Variants in MECOM observed in about 807,000 individuals in gnomAD.
MECOM encodes MDS1 and EVI1 complex locus, also known as histone-lysine N-methyltransferase MECOM.
Under a neutral mutation model 116.3 loss-of-function variants are expected in MECOM, and 13 were observed. That is an observed-to-expected ratio of 0.11 (90% CI 0.07 to 0.18). The LOEUF is 0.18. MECOM is among the 10% of genes least tolerant of loss of function. The pLI is 1.00. For synonymous variants in MECOM, 528 were observed against 535.2 expected (o/e 0.99, Z 0.19); for missense variants, 1,299 against 1,509.0 (o/e 0.86, Z 2.31).
At chr3:169,234,745 T>C (rs991113275) in intron 2 of MECOM, among the ~76,000 whole-genome samples, 1 of 152,324 alleles carries the variant, frequency 6.6e-6, no homozygotes, top group African/African-American at 2.4e-5. Flanking sequence ...GCTCACCATA[T>C]GTGTACATAC....
chr3:169,454,945 T>C (rs1256167170), intron 1 of MECOM, among the ~76,000 whole-genome samples: 1 of 152,194 alleles, frequency 6.6e-6, no homozygotes, highest in Non-Finnish European at 1.5e-5. Context: ...CCAATTTTTA[T>C]CTCACATCTA....
intron 1 of MECOM, among the ~76,000 whole-genome samples, chr3:169,506,602 T>C (rs1755251639): frequency 6.6e-6 from 1 of 152,202 alleles, no homozygotes; most frequent in African/African-American, 2.4e-5. Flanking sequence ...AAAGCCTTAA[T>C]GTTCTGCTTT....
chr3:169,338,904 A>G (rs1304448130), intron 2 of MECOM, among the ~76,000 whole-genome samples: 1 of 152,224 alleles, frequency 6.6e-6, no homozygotes, highest in South Asian at 2.1e-4. Flanking sequence ...GGCTTGGGGA[A>G]AAAAAGCTAT....
intron 12 of MECOM, among the ~76,000 whole-genome samples, chr3:169,097,955 T>C (rs1451169207): frequency 6.6e-6 from 1 of 151,688 alleles, no homozygotes; most frequent in African/African-American, 2.4e-5. Context: ...TAAAACCTAA[T>C]AGAACTTTCC....
At chr3:169,346,107 C>A (rs1193885547) in intron 2 of MECOM, among the ~76,000 whole-genome samples, 1 of 151,960 alleles carries the variant, frequency 6.6e-6, no homozygotes, top group African/African-American at 2.4e-5. Flanking sequence ...TTAAGCGAAG[C>A]AAGACTGCCA....
At chr3:169,406,940 T>C (rs1736808349) in intron 1 of MECOM, among the ~76,000 whole-genome samples, 1 of 151,764 alleles carries the variant, frequency 6.6e-6, no homozygotes, top group African/African-American at 2.4e-5. Context: ...CTCTCCCGGA[T>C]TCAAGAAATT....
At chr3:169,353,791 C>T (rs1263563520) in intron 2 of MECOM, among the ~76,000 whole-genome samples, 1 of 151,778 alleles carries the variant, frequency 6.6e-6, no homozygotes, top group Non-Finnish European at 1.5e-5. Flanking sequence ...TATAACAATA[C>T]AAACTGTAAA....
At chr3:169,198,078 A>C (rs1748663469) in intron 2 of MECOM, among the ~76,000 whole-genome samples, 2 of 152,046 alleles carry the variant, frequency 1.3e-5, no homozygotes, top group Admixed American at 1.3e-4. Flanking sequence ...ATTTGCCAAC[A>C]TTGGAGTTTT....
chr3:169,201,661 A>C (rs1749172500), intron 2 of MECOM, among the ~76,000 whole-genome samples: 1 of 152,122 alleles, frequency 6.6e-6, no homozygotes. Context: ...TATATAAATC[A>C]TGTTGGCTAT....
chr3:169,110,468 T>C (rs926509276), intron 9 of MECOM, among the ~76,000 whole-genome samples: 2 of 152,052 alleles, frequency 1.3e-5, no homozygotes, highest in African/African-American at 4.8e-5. Flanking sequence ...CTCACCTGTA[T>C]CCCAGCTTGT....
chr3:169,659,051 A>C lies in MECOM; in HGVS notation c.37+4285T>G, dbSNP rs1775888496. Among the ~76,000 whole-genome samples, 11 of 148,910 alleles carry C rather than the reference A, an allele frequency of 7.4e-5. No homozygotes were observed. The South Asian group carries it at 2.3e-3, about 32-fold the overall frequency. ...TAACATGCTTAAAGAGAAATTGCTT[A>C]CGACTCCTCACCTTCAACTCCAAAA... is the stretch of plus-strand genomic sequence containing the variant. On this transcript the variant is annotated intron_variant, in intron 1 of 16. Coordinates refer to ENST00000651503, the MANE Select transcript of MECOM (RefSeq NM_004991.4).
At chr3:169,108,035 T>A (rs1281566405) in intron 9 of MECOM, 83 bp from the exon 10 acceptor site, 1 of 1,182,440 alleles carries the variant, frequency 8.5e-7, no homozygotes, top group African/African-American at 1.5e-5. Context: ...GAAATTAACA[T>A]TTGTACTAAC....
chr3:169,400,358 T>C (rs1735683439), intron 1 of MECOM, among the ~76,000 whole-genome samples: 1 of 152,202 alleles, frequency 6.6e-6, no homozygotes, highest in African/African-American at 2.4e-5. Context: ...AGAAAAGTCA[T>C]CATCTGGCAT....
chr3:169,272,201 G>C (rs1419468233), intron 2 of MECOM, among the ~76,000 whole-genome samples: 1 of 152,176 alleles, frequency 6.6e-6, no homozygotes, highest in Non-Finnish European at 1.5e-5. Flanking sequence ...AAACGCAAAG[G>C]AGTCTCTCCT....
At position 169,321,343 on chromosome 3, in the gene MECOM, C is replaced by A. The variant is rs528550161; in HGVS notation, c.375+59844G>T. On this transcript the variant is annotated intron_variant, in intron 2 of 16. Coordinates refer to ENST00000651503, the MANE Select transcript of MECOM (RefSeq NM_004991.4). ...GATCACGAGGTCCGGAGATTGAGAC[C>A]ATCCTGGCTAACACAGTGAAACCCA... Among the ~76,000 whole-genome samples, 3 of 152,098 alleles carry A rather than the reference C, an allele frequency of 2.0e-5. No individual in the cohort carries two copies. The South Asian group carries it at 6.2e-4, about 32-fold the overall frequency.
At chr3:169,360,293 A>T (rs1329968776) in intron 2 of MECOM, among the ~76,000 whole-genome samples, 1 of 131,694 alleles carries the variant, frequency 7.6e-6, no homozygotes, top group Admixed American at 8.0e-5. Context: ...AGTATAATAA[A>T]AAAAAAAAAA....
chr3:169,274,950 G>T (rs1188018406), intron 2 of MECOM, among the ~76,000 whole-genome samples: 1 of 152,126 alleles, frequency 6.6e-6, no homozygotes, highest in African/African-American at 2.4e-5. Flanking sequence ...AGAGGGAGTG[G>T]CATATTTAAA....
intron 2 of MECOM, among the ~76,000 whole-genome samples, chr3:169,165,309 T>G (rs912063668): frequency 7.2e-5 from 11 of 152,172 alleles, no homozygotes; most frequent in African/African-American, 2.7e-4. Context: ...AATGAAGTTG[T>G]AAAATTGATT....
chr3:169,372,320 C>T (rs1730278317), intron 2 of MECOM, among the ~76,000 whole-genome samples: 1 of 152,002 alleles, frequency 6.6e-6, no homozygotes, highest in Non-Finnish European at 1.5e-5. Flanking sequence ...TTTGTAATGG[C>T]CAATGATAAT....
Sources: allele counts gnomAD v4.1 joint callset (sites outside exome capture counted in the v4.1 genomes callset), GRCh38; gene constraint gnomAD v4.1.1; transcripts MANE v1.5; gene names NCBI Gene and HGNC (gene_info 2026-07-23, HGNC 2026-07-21).